TSPAN9: variants seen among roughly 807,000 people sequenced by gnomAD.
TSPAN9 encodes tetraspanin-9.
Under a neutral mutation model 31.0 loss-of-function variants are expected in TSPAN9, and 16 were observed. The observed-to-expected ratio is 0.52, with a 90% CI of 0.35 to 0.78. The LOEUF (loss-of-function observed/expected upper bound fraction) is 0.78, where lower values mean the gene tolerates loss of function less well. TSPAN9 is among the 30% of genes least tolerant of loss of function. The pLI, the probability that TSPAN9 is intolerant of heterozygous loss-of-function variation, is 0.01. For missense variants in TSPAN9, 272 were observed against 312.5 expected (o/e 0.87, Z 0.98); for synonymous variants, 145 against 121.6 (o/e 1.19, Z -1.27).
chr12:3,090,538 A>T (rs2098303750), intron 2 of TSPAN9, among the ~76,000 whole-genome samples: 1 of 152,268 alleles, frequency 6.6e-6, no homozygotes, highest in African/African-American at 2.4e-5. Context: ...AGGTGAAAAC[A>T]GTCTACAAGA....
chr12:3,178,258 C>T (rs910073285), intron 2 of TSPAN9, among the ~76,000 whole-genome samples: 3 of 151,846 alleles, frequency 2.0e-5, no homozygotes, highest in Admixed American at 6.6e-5. Flanking sequence ...CAGCTGTGGC[C>T]GGTGACCCAT....
chr12:3,103,962 C>T (rs1360693634), intron 2 of TSPAN9, among the ~76,000 whole-genome samples: 1 of 152,016 alleles, frequency 6.6e-6, no homozygotes, highest in Non-Finnish European at 1.5e-5. Context: ...TAAAGCAGGG[C>T]GGGACGGGAG....
intron 2 of TSPAN9, among the ~76,000 whole-genome samples, chr12:3,177,260 C>T (rs1011852759): frequency 2.0e-5 from 3 of 152,144 alleles, no homozygotes; most frequent in Non-Finnish European, 2.9e-5. Flanking sequence ...GCCTCAGCCT[C>T]CCAAGTAGCT....
intron 2 of TSPAN9, among the ~76,000 whole-genome samples, chr12:3,109,299 T>TGTGTGTGTGTGTGTGTGAGAGAGAGA (rs1274383200): frequency 5.9e-5 from 7 of 118,352 alleles, no homozygotes; most frequent in Middle Eastern, 3.8e-3. Flanking sequence ...TGTGTGTGTG[T>TGTGTGTGTGTGTGTGTGAGAGAGAGA]GAGAGAGAGT....
chr12:3,077,758 A>G (rs2159407), intron 1 of TSPAN9, among the ~76,000 whole-genome samples: 2 of 151,810 alleles, frequency 1.3e-5, no homozygotes, highest in African/African-American at 4.8e-5. Flanking sequence ...AAAGGGAGTA[A>G]CCCGGGGCCG....
chr12:3,164,214 A>G (rs554809576), intron 2 of TSPAN9, among the ~76,000 whole-genome samples: 1 of 152,290 alleles, frequency 6.6e-6, no homozygotes, highest in South Asian at 2.1e-4. Flanking sequence ...TTTGCTTTCT[A>G]TTATCAAAAC....
intron 3 of TSPAN9, among the ~76,000 whole-genome samples, chr12:3,263,523 C>T (rs1346295923): frequency 6.6e-6 from 1 of 152,218 alleles, no homozygotes; most frequent in African/African-American, 2.4e-5. Flanking sequence ...TGTAGCAACG[C>T]ACCGGCCTGG....
chr12:3,152,905 T>C (rs924469992), intron 2 of TSPAN9, among the ~76,000 whole-genome samples: 7 of 152,190 alleles, frequency 4.6e-5, no homozygotes, highest in Non-Finnish European at 7.3e-5. Flanking sequence ...CTTCTTTTCT[T>C]ATGCTGCATC....
chr12:3,277,420 T>G (rs1862808313), intron 3 of TSPAN9, among the ~76,000 whole-genome samples: 1 of 151,696 alleles, frequency 6.6e-6, no homozygotes, highest in African/African-American at 2.4e-5. Context: ...CACCTGGGAG[T>G]GGTAGATTTT....
chr12:3,099,275 G>A (rs951031545), intron 2 of TSPAN9, among the ~76,000 whole-genome samples: 17 of 152,152 alleles, frequency 1.1e-4, no homozygotes, highest in East Asian at 5.8e-4. Context: ...GTCTTCAAGC[G>A]CACGGATCTT....
At chr12:3,154,008 A>G (rs373476702) in intron 2 of TSPAN9, among the ~76,000 whole-genome samples, 18 of 56,280 alleles carry the variant, frequency 3.2e-4, no homozygotes, top group African/African-American at 8.4e-4. Context: ...TATTATATAT[A>G]TATGTGTGTG....
rs1459350118 is a variant in TSPAN9 at position 3,201,026 on chromosome 12, C to T, written c.-17-151C>T. Reference sequence around the variant, plus strand: ...GTCCACCTCCGGCCGCCCGTTCGGCCGCGGCTTCACGGCCGGCGCCTTCTA... The same window carrying T: ...GTCCACCTCCGGCCGCCCGTTCGGCTGCGGCTTCACGGCCGGCGCCTTCTA... On this transcript the variant is annotated intron_variant, in intron 2 of 8. Coordinates refer to ENST00000011898, the MANE Select transcript of TSPAN9 (RefSeq NM_006675.5). The T allele has an allele frequency of 1.1e-5, 7 of 660,180 alleles. No homozygotes were observed. The South Asian group carries it at 1.1e-4, about 11-fold the overall frequency. 40.9% of individuals were successfully genotyped at this position (660,180 alleles called of 1,614,324 possible).
intron 3 of TSPAN9, 100 bp from the exon 4 acceptor site, chr12:3,278,321 G>T (rs1862828887): frequency 2.0e-6 from 3 of 1,498,096 alleles, no homozygotes; most frequent in South Asian, 1.3e-5. Flanking sequence ...TTCTCACTTT[G>T]TCTGTGTCTC....
intron 3 of TSPAN9, among the ~76,000 whole-genome samples, chr12:3,204,256 C>T (rs1178650536): frequency 2.0e-5 from 3 of 152,154 alleles, no homozygotes; most frequent in Non-Finnish European, 4.4e-5. Flanking sequence ...TCACCGCTGC[C>T]GCCACACCAC....
intron 8 of TSPAN9, 102 bp from the exon 9 acceptor site, chr12:3,282,943 C>T (rs1292626943): frequency 1.7e-6 from 2 of 1,183,396 alleles, no homozygotes; most frequent in Non-Finnish European, 2.4e-6. Flanking sequence ...GTGGCCATCC[C>T]CGCTTGCTCT....
At chr12:3,128,878 A>G (rs2098328538) in intron 2 of TSPAN9, among the ~76,000 whole-genome samples, 1 of 152,144 alleles carries the variant, frequency 6.6e-6, no homozygotes, top group Admixed American at 6.5e-5. Flanking sequence ...CAACTTTTTC[A>G]TCATCCCACA....
intron 3 of TSPAN9, among the ~76,000 whole-genome samples, chr12:3,236,596 C>T (rs2098393863): frequency 6.6e-6 from 1 of 152,166 alleles, no homozygotes; most frequent in Non-Finnish European, 1.5e-5. Context: ...CTGAGTCTCA[C>T]CCAGCCCGTG....
chr12:3,097,372 G>T (rs2098309646), intron 2 of TSPAN9, among the ~76,000 whole-genome samples: 1 of 152,216 alleles, frequency 6.6e-6, no homozygotes, highest in Admixed American at 6.5e-5. Context: ...TTGGTGGGCT[G>T]AGCTCAGATC....
At chr12:3,208,066 G>T (rs1388669107) in intron 3 of TSPAN9, among the ~76,000 whole-genome samples, 1 of 152,236 alleles carries the variant, frequency 6.6e-6, no homozygotes, top group Non-Finnish European at 1.5e-5. Flanking sequence ...CAGGTGTACT[G>T]CTCAGCAGGA....
Sources: gnomAD v4.1 joint callset for allele counts (sites outside exome capture counted in the v4.1 genomes callset) on GRCh38, gnomAD v4.1.1 for gene constraint, MANE v1.5 for transcripts, NCBI Gene and HGNC (gene_info 2026-07-23, HGNC 2026-07-21) for gene names.